Variants in RIMBP2 observed in about 807,000 individuals in gnomAD.
RIMBP2 encodes the protein RIMS binding protein 2.
A neutral mutation model predicts 118.6 loss-of-function variants in RIMBP2; 48 were observed. The observed-to-expected ratio is 0.40, with a 90% CI of 0.32 to 0.51. The LOEUF (loss-of-function observed/expected upper bound fraction) is 0.51. Ranked by LOEUF, RIMBP2 falls within the 20% of genes least tolerant of loss-of-function variation. RIMBP2 has a pLI of 0.41. For synonymous variants in RIMBP2, 762 were observed against 742.9 expected (o/e 1.03, Z -0.42); for missense variants, 1,551 against 1,768.3 (o/e 0.88, Z 2.20).
At chr12:130,666,478 A>G (rs1408894059) in intron 1 of RIMBP2, among the ~76,000 whole-genome samples, 1 of 152,118 alleles carries the variant, frequency 6.6e-6, no homozygotes. Context: ...TTGCAAGACA[A>G]AGTTTCAGTC....
chr12:130,558,525 A>G (rs1453135345), intron 2 of RIMBP2, among the ~76,000 whole-genome samples: 2 of 152,156 alleles, frequency 1.3e-5, no homozygotes, highest in Non-Finnish European at 2.9e-5. Context: ...AGGGTACGTC[A>G]GCAGCCGTGC....
At chr12:130,671,825 T>G (rs990700350) in intron 1 of RIMBP2, among the ~76,000 whole-genome samples, 8 of 151,994 alleles carry the variant, frequency 5.3e-5, no homozygotes, top group Non-Finnish European at 7.4e-5. Context: ...AATGATTGCC[T>G]GAAATGGCCT....
At chr12:130,612,495 G>C (rs1175812114) in intron 2 of RIMBP2, among the ~76,000 whole-genome samples, 1 of 152,194 alleles carries the variant, frequency 6.6e-6, no homozygotes, top group Non-Finnish European at 1.5e-5. Context: ...GCCACCCCAG[G>C]TTGGGGGTCC....
chr12:130,624,008 A>C (rs145424404), intron 2 of RIMBP2, among the ~76,000 whole-genome samples: 1 of 152,176 alleles, frequency 6.6e-6, no homozygotes, highest in African/African-American at 2.4e-5. Flanking sequence ...TCACCTTCCC[A>C]TGAAACCACT....
At chr12:130,549,610 T>C (rs2055534289) in intron 2 of RIMBP2, among the ~76,000 whole-genome samples, 1 of 152,200 alleles carries the variant, frequency 6.6e-6, no homozygotes. Context: ...CATGCAGTAT[T>C]TGGTTTTCTC....
intron 2 of RIMBP2, among the ~76,000 whole-genome samples, chr12:130,569,019 C>A (rs1226059299): frequency 6.6e-6 from 1 of 152,116 alleles, no homozygotes; most frequent in African/African-American, 2.4e-5. Flanking sequence ...AGACCCCCCA[C>A]CGAGAAGCTG....
chr12:130,471,556 C>A (rs369009347), intron 5 of RIMBP2, among the ~76,000 whole-genome samples: 3 of 152,288 alleles, frequency 2.0e-5, no homozygotes, highest in Admixed American at 2.0e-4. Context: ...CCCATGGAGG[C>A]CCCTCACTCT....
chr12:130,690,561 C>T (rs1194692514), intron 1 of RIMBP2, among the ~76,000 whole-genome samples: 1 of 152,174 alleles, frequency 6.6e-6, no homozygotes, highest in Non-Finnish European at 1.5e-5. Context: ...TTACTCTGGC[C>T]CATGCATCCC....
chr12:130,689,461 A>G (rs2065218522), intron 1 of RIMBP2, among the ~76,000 whole-genome samples: 1 of 152,180 alleles, frequency 6.6e-6, no homozygotes. Context: ...TTAAATAAGT[A>G]ACGACATCCC....
rs2075309931 is a variant in RIMBP2 at position 130,407,742 on chromosome 12, G to A, written c.3677C>T (p.Pro1226Leu). ...GGCTGGTACCTCGACATCGACGTTG[G>A]GCGAGCTTTCTCTGGGGTCGTAGTC... ...LYDYDPRESS[P>L]NVDVEAELTF... Residue 1226 changes from proline (P) to leucine (L), a missense_variant, in exon 20 of 23, where the codon CCC becomes CTC. This residue lies in a region of RIMBP2 where 1,038 missense variants were observed against 1,125.1 expected (regional missense o/e 0.92). Coordinates refer to ENST00000690449, the MANE Select transcript of RIMBP2 (RefSeq NM_001393629.1). 6.2e-7 allele frequency: 1 copy of A among 1,613,878 alleles called. No homozygotes were observed.
chr12:130,399,210 A>ATAAT, intron 22 of RIMBP2: 1 of 1,091,728 alleles, frequency 9.2e-7, no homozygotes, highest in East Asian at 3.4e-5. Context: ...ATATAAAAAT[A>ATAAT]TAATATAGAA....
intron 2 of RIMBP2, among the ~76,000 whole-genome samples, chr12:130,587,841 AAG>A (rs1183256423): frequency 6.7e-6 from 1 of 150,110 alleles, no homozygotes; most frequent in African/African-American, 2.5e-5. Flanking sequence ...AAAAAAAAAA[AAG>A]AAAAAAAAAA....
At chr12:130,552,469 G>C (rs555528449) in intron 2 of RIMBP2, among the ~76,000 whole-genome samples, 20 of 152,284 alleles carry the variant, frequency 1.3e-4, no homozygotes, top group Non-Finnish European at 2.4e-4. Flanking sequence ...AAACATAACA[G>C]GAAATAATAA....
At chr12:130,485,372 T>C (rs1788940131) in intron 4 of RIMBP2, among the ~76,000 whole-genome samples, 1 of 152,204 alleles carries the variant, frequency 6.6e-6, no homozygotes, top group African/African-American at 2.4e-5. Context: ...AGCTGGAACA[T>C]GGCCGATGAG....
At chr12:130,605,430 A>G (rs1227223531) in intron 2 of RIMBP2, among the ~76,000 whole-genome samples, 2 of 152,196 alleles carry the variant, frequency 1.3e-5, no homozygotes, top group Admixed American at 6.5e-5. Context: ...TCTGGGTGCA[A>G]TCAAAATAAC....
intron 1 of RIMBP2, among the ~76,000 whole-genome samples, chr12:130,695,219 G>A (rs1824596653): frequency 6.6e-6 from 1 of 152,130 alleles, no homozygotes; most frequent in Non-Finnish European, 1.5e-5. Context: ...CAAGACCGCA[G>A]GGCCCCTCTT....
intron 3 of RIMBP2, among the ~76,000 whole-genome samples, chr12:130,512,673 C>T (rs991659786): frequency 2.0e-5 from 3 of 152,164 alleles, no homozygotes; most frequent in African/African-American, 7.2e-5. Context: ...TGGATGTTCT[C>T]AAGGGCCAAA....
At chr12:130,486,031 A>G (rs1273999911) in intron 4 of RIMBP2, among the ~76,000 whole-genome samples, 3 of 151,938 alleles carry the variant, frequency 2.0e-5, no homozygotes, top group Non-Finnish European at 2.9e-5. Context: ...TTCAGCATCT[A>G]TCTCTCCAAA....
intron 1 of RIMBP2, among the ~76,000 whole-genome samples, chr12:130,645,845 A>G (rs573544963): frequency 6.6e-6 from 1 of 152,314 alleles, no homozygotes; most frequent in African/African-American, 2.4e-5. Flanking sequence ...TCTTACCAAC[A>G]GAAATCTGAA....
Sources: gnomAD v4.1 joint callset for allele counts (sites outside exome capture counted in the v4.1 genomes callset) on GRCh38, gnomAD v4.1.1 for gene constraint, gnomAD v4.1.1 regional missense constraint, MANE v1.5 for transcripts, NCBI Gene and HGNC (gene_info 2026-07-23, HGNC 2026-07-21) for gene names.